The following HLCS variants were observed in gnomAD, a reference collection of about 807,000 sequenced individuals.
HLCS encodes biotin--protein ligase.
HLCS carries 53 observed loss-of-function variants against 75.0 expected under a neutral mutation model. The observed-to-expected ratio is 0.71, with a 90% CI of 0.57 to 0.89. The LOEUF is 0.89. Among genes scored for constraint, HLCS ranks in the 40% least tolerant of loss-of-function variants. HLCS has a pLI of 0.00. For missense variants in HLCS, 966 were observed against 1,074.0 expected, an observed-to-expected ratio of 0.90 and a Z score of 1.41; for synonymous variants, 431 against 428.6, an observed-to-expected ratio of 1.01 and a Z score of -0.07.
Position 36,966,430 on chromosome 21 carries a change from C to T in HLCS, c.195+14G>A. On this transcript the variant is annotated intron_variant, in intron 1 of 10. Coordinates refer to ENST00000674895, the MANE Select transcript of HLCS (RefSeq NM_001352514.2). ...TCGCGGGGCCCGGGTCGCCCGCCCG[C>T]CCGACCCGCCCACCTGGCTGTCGCT... The T allele has an allele frequency of 6.5e-6, 5 of 764,804 alleles. No individual in the cohort carries two copies. The highest frequency in any genetic ancestry group is 7.9e-6 in the Non-Finnish European group (5 of 629,074). 47.4% of individuals were successfully genotyped at this position (764,804 alleles called of 1,614,324 possible). A position where few individuals can be genotyped will look rare whatever the true frequency, so the allele number is the denominator to read the frequency against.
At chr21:36,871,525 G>C (rs1332105964) in intron 6 of HLCS, among the ~76,000 whole-genome samples, 2 of 151,926 alleles carry the variant, frequency 1.3e-5, no homozygotes, top group Non-Finnish European at 2.9e-5. Context: ...TGCAACAAGG[G>C]CTACCAAAAA....
rs2089603328 is a variant in HLCS at position 36,756,557 on chromosome 21, C to T, written c.2435G>A (p.Arg812Gln). The change falls in exon 10 of 11, where the codon CGA becomes CAA. Residue 812 changes from arginine (R) to glutamine (Q), a missense_variant. Transcript: ENST00000674895. ...CAGCACTGACCTGTGGACCCAGTAT[C>T]GGTAATAAAGGGGAAGGACGCTGTT... is the stretch of plus-strand genomic sequence containing the variant. ...GPNSVLPLYYRYWVHSGQQVH... is the reference protein window; with the variant it reads ...GPNSVLPLYYQYWVHSGQQVH... 23 of 1,601,192 alleles carry T rather than the reference C, an allele frequency of 1.4e-5. No homozygotes were observed. Among genetic ancestry groups the T allele is most frequent in the East Asian group, 4.6e-5 (2 of 43,818 alleles).
chr21:36,839,576 G>A (rs1203002099), intron 6 of HLCS, among the ~76,000 whole-genome samples: 1 of 152,114 alleles, frequency 6.6e-6, no homozygotes, highest in Non-Finnish European at 1.5e-5. Flanking sequence ...ACCTGAGAGG[G>A]GACCAGATAT....
intron 5 of HLCS, 53 bp from the exon 6 acceptor site, chr21:36,897,184 C>T: frequency 6.3e-7 from 1 of 1,595,028 alleles, no homozygotes; most frequent in Admixed American, 1.7e-5. Flanking sequence ...TACATTAGAT[C>T]ATGGTAGCTT....
intron 2 of HLCS, among the ~76,000 whole-genome samples, chr21:36,946,857 A>G (rs887114445): frequency 2.6e-5 from 4 of 152,152 alleles, no homozygotes; most frequent in African/African-American, 7.2e-5. Context: ...GGCCCACCCA[A>G]TGTTTCAGCA....
chr21:36,938,969 AAAC>A lies in HLCS; in HGVS notation c.353_355del (p.Cys118del). ...ATCCCCAGGTCTGCAAGCTAATGGC[AAAC>A]AACAGTCTGACCACTTGACAATCTG... is the stretch of plus-strand genomic sequence containing the variant. On this transcript the variant is annotated inframe_deletion, in exon 3 of 11. Coordinates refer to ENST00000674895, the MANE Select transcript of HLCS (RefSeq NM_001352514.2). 2 of 1,610,410 alleles carry A rather than the reference AAAC, an allele frequency of 1.2e-6. No individual in the cohort carries two copies. Among genetic ancestry groups the A allele is most frequent in the Non-Finnish European group, 1.7e-6 (2 of 1,179,852 alleles).
intron 6 of HLCS, among the ~76,000 whole-genome samples, chr21:36,812,368 A>G (rs145636688): frequency 1.4e-3 from 219 of 152,268 alleles, no homozygotes; most frequent in African/African-American, 5.1e-3. Flanking sequence ...CTAAAGCTTT[A>G]ATGCCCCCTA....
rs555679866 is a variant in HLCS at position 36,888,151 on chromosome 21, C to T, written c.1892+8709G>A. On this transcript the variant is annotated intron_variant, in intron 6 of 10. Coordinates refer to ENST00000674895, the MANE Select transcript of HLCS (RefSeq NM_001352514.2). ...GTAGACAAAGACCCCTATTAGGATC[C>T]GGCTGTTTCTCTACTGTGAGGTCAC... Among the ~76,000 whole-genome samples, 38 of 152,038 alleles carry T rather than the reference C, an allele frequency of 2.5e-4. 1 individual carries two copies. The highest frequency in any genetic ancestry group is 6.8e-4 in the African/African-American group (28 of 41,468).
chr21:36,962,596 T>C (rs2068361077), intron 1 of HLCS, among the ~76,000 whole-genome samples: 1 of 151,948 alleles, frequency 6.6e-6, no homozygotes, highest in Non-Finnish European at 1.5e-5. Flanking sequence ...AAGACCACCC[T>C]GGCCAACATG....
chr21:36,895,700 T>A (rs1194622585), intron 6 of HLCS, among the ~76,000 whole-genome samples: 2 of 152,146 alleles, frequency 1.3e-5, no homozygotes, highest in African/African-American at 4.8e-5. Context: ...TTCCAGAAAC[T>A]ATTATCAAGA....
intron 6 of HLCS, among the ~76,000 whole-genome samples, chr21:36,800,226 G>T (rs933613180): frequency 3.3e-5 from 5 of 152,174 alleles, no homozygotes; most frequent in African/African-American, 7.2e-5. Flanking sequence ...GTTGATGCTG[G>T]CAGGGATCAG....
At chr21:36,814,144 C>A (rs563523072) in intron 6 of HLCS, among the ~76,000 whole-genome samples, 3 of 152,212 alleles carry the variant, frequency 2.0e-5, no homozygotes, top group African/African-American at 7.2e-5. Flanking sequence ...TCCTGCTCTC[C>A]CCCAAACACA....
In HLCS at chr21:36,754,381, T is replaced by C. The variant is rs2123556491; in HGVS notation, c.2487A>G (p.Pro829=). The C allele has an allele frequency of 6.2e-7, 1 of 1,613,766 alleles. No individual in the cohort carries two copies. Among genetic ancestry groups the C allele is most frequent in the Non-Finnish European group, 8.5e-7 (1 of 1,179,972 alleles). The change falls in exon 11 of 11, where the codon CCA becomes CCG. Residue 829 remains proline (P), a synonymous_variant. Coordinates refer to ENST00000674895, the MANE Select transcript of HLCS (RefSeq NM_001352514.2). ...CGTCCAGGCCAACGATGGACACCTTTGGTCCCTCTGCGCTGCCCAGATGGA... is the reference window on the plus strand; with the variant it reads ...CGTCCAGGCCAACGATGGACACCTTCGGTCCCTCTGCGCTGCCCAGATGGA... The part of the protein sequence containing the change: ...QQVHLGSAEG[P]KVSIVGLDDS...
At chr21:36,927,431 A>G (rs1007428188) in intron 5 of HLCS, among the ~76,000 whole-genome samples, 1 of 152,240 alleles carries the variant, frequency 6.6e-6, no homozygotes, top group African/African-American at 2.4e-5. Context: ...CTTTCCAGTT[A>G]TATCACAGTA....
At chr21:36,963,290 G>GC (rs1569257190) in intron 1 of HLCS, among the ~76,000 whole-genome samples, 2 of 152,152 alleles carry the variant, frequency 1.3e-5, no homozygotes, top group Non-Finnish European at 2.9e-5. Flanking sequence ...TCTGAGCGGG[G>GC]TATGCAGGAG....
intron 5 of HLCS, among the ~76,000 whole-genome samples, chr21:36,905,597 C>T (rs530856824): frequency 2.0e-5 from 3 of 152,124 alleles, no homozygotes; most frequent in South Asian, 4.2e-4. Flanking sequence ...AAATGTGGCC[C>T]TTTTAAATCA....
rs567076537 is a variant in HLCS at position 36,939,886 on chromosome 21, T to C, written c.331-892A>G. Among the ~76,000 whole-genome samples, 158 of 152,140 alleles carry C rather than the reference T, an allele frequency of 1.0e-3. 5 individuals are homozygous for C. In the Middle Eastern group the frequency reaches 0.014, roughly 13 times the overall value. On this transcript the variant is annotated intron_variant, in intron 2 of 10. Transcript: ENST00000674895. The stretch of plus-strand genomic sequence containing the variant: ...AATTTGTAAAACAAGAATACTCTAC[T>C]AAAAATACAAAAATTAGCCGGGCGT...
chr21:36,974,930 G>C (rs1412731424), intron 1 of HLCS: 3 of 152,132 alleles, frequency 2.0e-5, no homozygotes, highest in Non-Finnish European at 4.4e-5. Context: ...CTCCGTCTCT[G>C]TCTCTAACCC....
chr21:36,891,949 T>C (rs766992971), intron 6 of HLCS, among the ~76,000 whole-genome samples: 1 of 152,116 alleles, frequency 6.6e-6, no homozygotes, highest in Non-Finnish European at 1.5e-5. Flanking sequence ...ACGGTTTCAT[T>C]TGGCCCAAGG....
Sources: allele counts gnomAD v4.1 joint callset (sites outside exome capture counted in the v4.1 genomes callset), GRCh38; gene constraint gnomAD v4.1.1; transcripts MANE v1.5; gene names NCBI Gene and HGNC (gene_info 2026-07-23, HGNC 2026-07-21).